Variants in SHROOM4 observed in about 807,000 individuals in gnomAD.
SHROOM4 encodes shroom family member 4.
A neutral mutation model predicts 80.3 loss-of-function variants in SHROOM4; 17 were observed. The ratio of observed to expected loss-of-function variants is 0.21; its 90% CI spans 0.14 to 0.32. SHROOM4 has a LOEUF of 0.32. SHROOM4 is among the 10% of genes least tolerant of loss of function. The pLI, the probability that SHROOM4 is intolerant of heterozygous loss-of-function variation, is 1.00. For synonymous variants in SHROOM4, 400 were observed against 437.5 expected (o/e 0.91, Z 1.07); for missense variants, 993 against 1,140.3 (o/e 0.87, Z 1.86).
chrX:50,792,200 A>C (rs1935866169), intron 1 of SHROOM4, among the ~76,000 whole-genome samples: 2 of 112,161 alleles, frequency 1.8e-5, no homozygotes, highest in Non-Finnish European at 3.8e-5. Flanking sequence ...CGAATCTTTT[A>C]ACACAGTGAA....
At chrX:50,624,018 G>A (rs1602378169) in intron 5 of SHROOM4, among the ~76,000 whole-genome samples, 1 of 111,601 alleles carries the variant, frequency 9.0e-6, no homozygotes, top group East Asian at 2.8e-4. Context: ...AGTGGGAATG[G>A]AGAGCAATGG....
At chrX:50,669,010 C>A (rs1410667544) in intron 2 of SHROOM4, among the ~76,000 whole-genome samples, 1 of 112,182 alleles carries the variant, frequency 8.9e-6, no homozygotes, top group Admixed American at 9.4e-5. Context: ...TAGCATCATG[C>A]CTAAAAACAA....
At position 50,762,237 on chromosome X, in the gene SHROOM4, T is replaced by C. The variant is rs1048120264; in HGVS notation, c.117+51665A>G. ...TGTTGAGCTTCTTATTTATGATTTCTGGTACTCTTTATTTCTTCCTGTGCA... is the reference window on the plus strand; with the variant it reads ...TGTTGAGCTTCTTATTTATGATTTCCGGTACTCTTTATTTCTTCCTGTGCA... On this transcript the variant is annotated intron_variant, in intron 1 of 8. Coordinates refer to ENST00000376020, the MANE Select transcript of SHROOM4 (RefSeq NM_020717.5). Among the ~76,000 whole-genome samples, 3 of 112,218 alleles carry C rather than the reference T, an allele frequency of 2.7e-5. No homozygotes were observed. The Admixed American group carries it at 2.8e-4, about 11-fold the overall frequency.
At chrX:50,733,316 C>A (rs1364766229) in intron 1 of SHROOM4, among the ~76,000 whole-genome samples, 1 of 111,502 alleles carries the variant, frequency 9.0e-6, no homozygotes, top group Non-Finnish European at 1.9e-5. Context: ...AAATGTGTAC[C>A]CCCAGAGCAT....
chrX:50,765,053 G>A (rs1477792580), intron 1 of SHROOM4, among the ~76,000 whole-genome samples: 1 of 111,227 alleles, frequency 9.0e-6, no homozygotes, highest in African/African-American at 3.3e-5. Flanking sequence ...AACAGCACAG[G>A]AAAAATCAGC....
At chrX:50,623,111 G>A (rs1403883750) in intron 5 of SHROOM4, among the ~76,000 whole-genome samples, 1 of 111,972 alleles carries the variant, frequency 8.9e-6, no homozygotes, top group East Asian at 2.8e-4. Flanking sequence ...AAACCCAATT[G>A]CTCCCTCTAA....
chrX:50,687,623 A>G (rs782278363), intron 2 of SHROOM4, among the ~76,000 whole-genome samples: 1 of 111,007 alleles, frequency 9.0e-6, no homozygotes, highest in East Asian at 2.8e-4. Flanking sequence ...ACAGCTAGGG[A>G]GGCTGGCAGG....
intron 1 of SHROOM4, among the ~76,000 whole-genome samples, chrX:50,784,744 A>C (rs1417729115): frequency 8.9e-6 from 1 of 112,283 alleles, no homozygotes; most frequent in Non-Finnish European, 1.9e-5. Flanking sequence ...AGAAATTATA[A>C]AAGAAAAAAT....
intron 1 of SHROOM4, among the ~76,000 whole-genome samples, chrX:50,764,474 G>A (rs782627175): frequency 9.0e-6 from 1 of 111,458 alleles, no homozygotes; most frequent in South Asian, 3.8e-4. Context: ...CATAAAGGAT[G>A]CCCCATCTTC....
intron 1 of SHROOM4, among the ~76,000 whole-genome samples, chrX:50,782,307 AT>A (rs59928460): frequency 0.094 from 10,459 of 110,970 alleles, 912 homozygotes; most frequent in African/African-American, 0.28. Context: ...TATATAAACC[AT>A]TTTTTTTAAG....
At position 50,685,549 on chromosome X, in the gene SHROOM4, C is replaced by A. The variant is rs181335520; in HGVS notation, c.269+10237G>T. Among the ~76,000 whole-genome samples the A allele has an allele frequency of 4.3e-3, 477 of 112,109 alleles. 1 individual carries two copies. Among genetic ancestry groups the A allele is most frequent in the African/African-American group, 0.015 (459 of 30,899 alleles). On this transcript the variant is annotated intron_variant, in intron 2 of 8. Transcript: ENST00000376020. ...CTTTAGGTACAGAAAGGAGACATTTCCCCCAAGTATAGAAAGGCTTCCTAG... is the reference window on the plus strand; with the variant it reads ...CTTTAGGTACAGAAAGGAGACATTTACCCCAAGTATAGAAAGGCTTCCTAG...
intron 1 of SHROOM4, among the ~76,000 whole-genome samples, chrX:50,811,896 A>G (rs1171812013): frequency 9.0e-6 from 1 of 110,839 alleles, no homozygotes; most frequent in Non-Finnish European, 1.9e-5. Flanking sequence ...CTGCCTCTCA[A>G]CACACGAAGC....
chrX:50,785,123 T>C (rs1935712592), intron 1 of SHROOM4, among the ~76,000 whole-genome samples: 1 of 111,597 alleles, frequency 9.0e-6, no homozygotes, highest in African/African-American at 3.3e-5. Context: ...ATAATAAGTG[T>C]TGGTGAGAAT....
chrX:50,580,906 C>T, the SHROOM4 span, among the ~76,000 whole-genome samples: 1 of 112,375 alleles, frequency 8.9e-6, no homozygotes, highest in African/African-American at 3.2e-5. Context: ...CCAAACCCTT[C>T]TCTTGTCATT....
At chrX:50,580,703 C>A in the SHROOM4 span, among the ~76,000 whole-genome samples, 5 of 111,409 alleles carry the variant, frequency 4.5e-5, no homozygotes, top group Non-Finnish European at 9.4e-5. Flanking sequence ...GCAGGAGGAT[C>A]GCTTGAGCTC....
At chrX:50,769,150 A>G (rs1248279498) in intron 1 of SHROOM4, among the ~76,000 whole-genome samples, 1 of 106,788 alleles carries the variant, frequency 9.4e-6, no homozygotes, top group African/African-American at 3.6e-5. Context: ...GAAGGAGGGG[A>G]AAAAAAGAGG....
At chrX:50,669,656 C>T (rs1284443073) in intron 2 of SHROOM4, among the ~76,000 whole-genome samples, 5 of 112,064 alleles carry the variant, frequency 4.5e-5, no homozygotes, top group Non-Finnish European at 7.5e-5. Context: ...ATTTTATCAA[C>T]TAAGTTTGTT....
chrX:50,679,861 T>C (rs1371526272), intron 2 of SHROOM4, among the ~76,000 whole-genome samples: 2 of 111,994 alleles, frequency 1.8e-5, no homozygotes, highest in Admixed American at 1.9e-4. Flanking sequence ...ATTGCCTCTC[T>C]AGCTAACACT....
chrX:50,798,040 G>A (rs1475222248), intron 1 of SHROOM4, among the ~76,000 whole-genome samples: 4 of 110,631 alleles, frequency 3.6e-5, no homozygotes, highest in Non-Finnish European at 7.6e-5. Context: ...GAGAAGGAAG[G>A]AGGGGAGAGG....
Sources: gnomAD v4.1 joint callset for allele counts (sites outside exome capture counted in the v4.1 genomes callset) on GRCh38, gnomAD v4.1.1 for gene constraint, MANE v1.5 for transcripts, NCBI Gene and HGNC (gene_info 2026-07-23, HGNC 2026-07-21) for gene names.